Variants in ITIH5 observed in about 807,000 individuals in gnomAD.
ITIH5 encodes inter-alpha-trypsin inhibitor heavy chain H5.
In ITIH5, 65 loss-of-function variants were observed where a neutral mutation model predicts 77.5. The observed-to-expected ratio is 0.84, with a 90% confidence interval of 0.69 to 1.03. The LOEUF is 1.03. Among genes scored for constraint, ITIH5 ranks in the 50% least tolerant of loss-of-function variants. The pLI, the probability that ITIH5 is intolerant of heterozygous loss-of-function variation, is 0.00. For missense variants in ITIH5, 1,208 were observed against 1,213.1 expected (o/e 1.00, Z 0.06); for synonymous variants, 525 against 494.3 (o/e 1.06, Z -0.82).
chr10:7,616,721 G>A (rs996555262), intron 6 of ITIH5, among the ~76,000 whole-genome samples: 9 of 152,076 alleles, frequency 5.9e-5, no homozygotes, highest in Admixed American at 1.3e-4. Flanking sequence ...TCAGCTACTC[G>A]GGAGGCTGAG....
At chr10:7,629,386 C>A (rs75690745) in intron 5 of ITIH5, among the ~76,000 whole-genome samples, 4 of 141,242 alleles carry the variant, frequency 2.8e-5, no homozygotes, top group Non-Finnish European at 4.6e-5. Context: ...CATGTTGTAG[C>A]GTGTGTCCAT....
At chr10:7,645,076 G>A (rs1833990500) in intron 2 of ITIH5, among the ~76,000 whole-genome samples, 2 of 151,372 alleles carry the variant, frequency 1.3e-5, no homozygotes, top group Admixed American at 6.6e-5. Flanking sequence ...TCCATGCAAA[G>A]GTGTCAGGGC....
At chr10:7,655,448 A>AG (rs1241348475) in intron 2 of ITIH5, among the ~76,000 whole-genome samples, 183 bp downstream of exon 2, 4 of 152,132 alleles carry the variant, frequency 2.6e-5, no homozygotes, top group Admixed American at 2.0e-4. Context: ...TCCAGAAAAA[A>AG]GAAAAAAAAA....
chr10:7,564,737 T>C (rs1293426033), intron 13 of ITIH5, among the ~76,000 whole-genome samples: 1 of 151,702 alleles, frequency 6.6e-6, no homozygotes, highest in Non-Finnish European at 1.5e-5. Context: ...TGGGTGTGAA[T>C]ATATATAATA....
intron 1 of ITIH5, among the ~76,000 whole-genome samples, chr10:7,656,167 G>T (rs1834178023): frequency 6.6e-6 from 1 of 152,108 alleles, no homozygotes; most frequent in South Asian, 2.1e-4. Context: ...GTCTTTTCTG[G>T]ATGATTTCTT....
intron 5 of ITIH5, among the ~76,000 whole-genome samples, chr10:7,623,361 T>G (rs1833504668): frequency 6.6e-6 from 1 of 152,220 alleles, no homozygotes; most frequent in Admixed American, 6.5e-5. Context: ...AGGCAATTTC[T>G]TAAATATATG....
At chr10:7,612,282 T>C (rs2131027618) in intron 7 of ITIH5, among the ~76,000 whole-genome samples, 1 of 152,328 alleles carries the variant, frequency 6.6e-6, no homozygotes, top group African/African-American at 2.4e-5. Context: ...CTATTAGCCA[T>C]ATATTAACTA....
chr10:7,563,223 T>G lies in ITIH5; in HGVS notation c.2689A>C (p.Asn897His), dbSNP rs1490133169. 6.2e-7 allele frequency: 1 copy of G among 1,614,102 alleles called. No individual in the cohort carries two copies. The highest frequency in any genetic ancestry group is 1.3e-5 in the African/African-American group (1 of 74,930). The change falls in exon 14 of 14, where the codon AAC (asparagine) becomes CAC (histidine). Residue 897 changes from asparagine to histidine, a missense_variant. By Grantham distance (68) the Asn-to-His change is moderately conservative. Coordinates refer to ENST00000397146, the MANE Select transcript of ITIH5 (RefSeq NM_030569.7). ...PVVWKQRKIY[N>H]GEEQIDCWFA... ...CAGCAGTCTATCTGCTCTTCCCCGTTGTAAATCTTCCTTTGCTTCCAGACC... is the reference window on the plus strand; with the variant it reads ...CAGCAGTCTATCTGCTCTTCCCCGTGGTAAATCTTCCTTTGCTTCCAGACC...
At chr10:7,590,121 G>A (rs12243179) in intron 7 of ITIH5, among the ~76,000 whole-genome samples, 1,830 of 152,250 alleles carry the variant, frequency 0.012, 44 homozygotes, top group African/African-American at 0.041. Context: ...GTGTCCCACA[G>A]GTAGCTCAGA....
At chr10:7,652,618 C>T (rs965815382) in intron 2 of ITIH5, among the ~76,000 whole-genome samples, 1 of 152,254 alleles carries the variant, frequency 6.6e-6, no homozygotes, top group Middle Eastern at 3.4e-3. Flanking sequence ...TATAAATGGT[C>T]TAAGCTAAGG....
chr10:7,642,004 C>T lies in ITIH5; in HGVS notation c.222G>A (p.Leu74=). 6.2e-7 allele frequency: 1 copy of T among 1,613,976 alleles called. No individual in the cohort carries two copies. The highest frequency in any genetic ancestry group is 1.1e-5 in the South Asian group (1 of 91,078). The change falls in exon 3 of 14, where the codon CTG becomes CTA. Residue 74 remains leucine, a synonymous_variant. Transcript: ENST00000397146. The part of the protein sequence containing the change: ...YAFTTVSCRM[L]NRASEDQDIE... ...TGTCCTGGTCTTCAGAAGCTCTGTT[C>T]AGCATTCTGCAGGAAACCGTAGTGA...
chr10:7,601,427 C>T lies in ITIH5; in HGVS notation c.939+14555G>A, dbSNP rs539157679. On this transcript the variant is annotated intron_variant, in intron 7 of 13. Transcript: ENST00000397146. ...CAGAGCCAAATTCAAGGAGAGTTTG[C>T]CAGGCCATTGCTAAATCATAAACAC... is the stretch of plus-strand genomic sequence containing the variant. Among the ~76,000 whole-genome samples the T allele has an allele frequency of 2.0e-5, 3 of 152,288 alleles. 1 individual carries two copies. Among genetic ancestry groups the T allele is most frequent in the Admixed American group, 6.5e-5 (1 of 15,292 alleles).
At chr10:7,565,724 TTA>T (rs1327349527) in intron 13 of ITIH5, among the ~76,000 whole-genome samples, 1 of 148,854 alleles carries the variant, frequency 6.7e-6, no homozygotes, top group Non-Finnish European at 1.5e-5. Context: ...TATTATGTAT[TTA>T]TATAGAGAGA....
intron 2 of ITIH5, among the ~76,000 whole-genome samples, chr10:7,642,405 C>A (rs1338710398): frequency 6.6e-6 from 1 of 152,146 alleles, no homozygotes; most frequent in Non-Finnish European, 1.5e-5. Context: ...GTTCAATCAT[C>A]GGAATTTTAG....
At position 7,563,155 on chromosome 10, in the gene ITIH5, G is replaced by C. The variant is rs757184944; in HGVS notation, c.2757C>G (p.Tyr919Ter). The C allele has an allele frequency of 6.2e-7, 1 of 1,614,016 alleles. No homozygotes were observed. Among genetic ancestry groups the C allele is most frequent in the Non-Finnish European group, 8.5e-7 (1 of 1,179,892 alleles). ...ATGGATGGGATGCCAGGTAATCCTT[G>C]TACTCCCCGTCAATCAGTTTGGCGG... ...NNAAKLIDGE[Y>*]KDYLASHPFD... The change falls in exon 14 of 14, where the codon TAC becomes TAG. Residue 919 changes from tyrosine (Y) to a stop codon, truncating the protein, a stop_gained. Coordinates refer to ENST00000397146, the MANE Select transcript of ITIH5 (RefSeq NM_030569.7). LOFTEE classifies it low-confidence loss of function (END_TRUNC).
At chr10:7,592,714 C>T (rs573364275) in intron 7 of ITIH5, among the ~76,000 whole-genome samples, 20 of 152,320 alleles carry the variant, frequency 1.3e-4, no homozygotes, top group Non-Finnish European at 2.4e-4. Flanking sequence ...CAGGCAGGGG[C>T]GGCCTCAGCC....
At position 7,596,397 on chromosome 10, in the gene ITIH5, C is replaced by T. The variant is rs186369649; in HGVS notation, c.940-10328G>A. On this transcript the variant is annotated intron_variant, in intron 7 of 13. Transcript: ENST00000397146. Reference sequence around the variant, plus strand: ...TCAAGGGAGCCCACGGAAGAGCCAGCTGCGGCCCACGGCTTCCTCCCACTT... The same window carrying T: ...TCAAGGGAGCCCACGGAAGAGCCAGTTGCGGCCCACGGCTTCCTCCCACTT... Among the ~76,000 whole-genome samples, 131 of 152,342 alleles carry T rather than the reference C, an allele frequency of 8.6e-4. 4 individuals are homozygous for T. Among genetic ancestry groups the T allele is most frequent in the Admixed American group, 7.8e-3 (119 of 15,304 alleles).
rs550449280 is a variant in ITIH5, at chr10:7,648,632, A to G, written c.136-6542T>C. Reference sequence around the variant, plus strand: ...CAAGTAAAATTTAGCTCCTTCTGCTAATAGTTCTTGCTCAGTAGTATTTTT... The same window carrying G: ...CAAGTAAAATTTAGCTCCTTCTGCTGATAGTTCTTGCTCAGTAGTATTTTT... On this transcript the variant is annotated intron_variant, in intron 2 of 13. Transcript: ENST00000397146. Among the ~76,000 whole-genome samples the G allele has an allele frequency of 2.6e-5, 4 of 152,362 alleles. No homozygotes were observed. The South Asian group carries it at 6.2e-4, about 24-fold the overall frequency.
At chr10:7,593,429 C>T (rs1832835188) in intron 7 of ITIH5, among the ~76,000 whole-genome samples, 2 of 64,992 alleles carry the variant, frequency 3.1e-5, no homozygotes, top group African/African-American at 1.1e-4. Context: ...CCCAGCCCCA[C>T]TCACCCCTGC....
Sources: gnomAD v4.1 joint callset for allele counts (sites outside exome capture counted in the v4.1 genomes callset) on GRCh38, gnomAD v4.1.1 for gene constraint, MANE v1.5 for transcripts, NCBI Gene and HGNC (gene_info 2026-07-23, HGNC 2026-07-21) for gene names.